SLC11A2: variants seen among roughly 807,000 people sequenced by gnomAD.
SLC11A2 encodes natural resistance-associated macrophage protein 2.
Under a neutral mutation model 68.0 loss-of-function variants are expected in SLC11A2, and 38 were observed. The observed-to-expected ratio is 0.56, with a 90% CI of 0.43 to 0.73. SLC11A2 has a LOEUF of 0.73. Among genes scored for constraint, SLC11A2 ranks in the 30% least tolerant of loss-of-function variants. The pLI is 0.00. For missense variants in SLC11A2, 517 were observed against 690.5 expected (o/e 0.75, Z 2.82); for synonymous variants, 242 against 250.6 (o/e 0.97, Z 0.32).
In SLC11A2 at chr12:50,990,957, G is replaced by GA; in HGVS notation, c.1422-10dup. 1.2e-6 allele frequency: 2 copies of GA among 1,613,722 alleles called. No homozygotes were observed. Among genetic ancestry groups the GA allele is most frequent in the Non-Finnish European group, 1.7e-6 (2 of 1,179,726 alleles). On this transcript the variant is annotated splice_polypyrimidine_tract_variant and intron_variant, in intron 14 of 15. Transcript: ENST00000262052. Reference sequence around the variant, plus strand: ...CTGCAATCCGCCAGCCTCTGTAAAAGAAATCAGCACAGTCACTGATGGAAT... The same window carrying GA: ...CTGCAATCCGCCAGCCTCTGTAAAAGAAAATCAGCACAGTCACTGATGGAAT...
At chr12:50,965,789 C>T in the SLC11A2 span, among the ~76,000 whole-genome samples, 2 of 152,146 alleles carry the variant, frequency 1.3e-5, no homozygotes, top group African/African-American at 4.8e-5. Flanking sequence ...AGCACAGGTC[C>T]CCTTTGGGAA....
chr12:51,025,934 G>A, intron 1 of SLC11A2: 1 of 999,104 alleles, frequency 1.0e-6, no homozygotes, highest in African/African-American at 1.7e-5. Flanking sequence ...ACCTTGCCCT[G>A]TGCCCGTCGG....
intron 1 of SLC11A2, among the ~76,000 whole-genome samples, chr12:51,018,192 C>T (rs566748333): frequency 1.3e-5 from 2 of 152,048 alleles, no homozygotes; most frequent in South Asian, 4.2e-4. Context: ...GTCAGGAGGT[C>T]GAGACCAGCC....
chr12:51,008,562 T>C lies in SLC11A2; in HGVS notation c.97A>G (p.Asn33Asp). The C allele has an allele frequency of 6.2e-7, 1 of 1,612,120 alleles. No homozygotes were observed. Among genetic ancestry groups the C allele is most frequent in the African/African-American group, 1.3e-5 (1 of 74,936 alleles). Residue 33 changes from asparagine to aspartate, a missense_variant, in exon 3 of 16, where the codon AAT becomes GAT. Physicochemically the swap from Asn to Asp is conservative, Grantham distance 23 (BLOSUM62 1). Coordinates refer to ENST00000262052, the MANE Select transcript of SLC11A2 (RefSeq NM_000617.3). ...SLGNINPAYS[N>D]PSLSQSPGDS... is the part of the protein sequence containing the mutation. Reference sequence around the variant, plus strand: ...CCAGGGGACTGTGAAAGAGAGGGATTACTATAGGCAGGGTTGATGTTACCA... The same window carrying C: ...CCAGGGGACTGTGAAAGAGAGGGATCACTATAGGCAGGGTTGATGTTACCA...
intron 6 of SLC11A2, among the ~76,000 whole-genome samples, chr12:50,999,759 C>T (rs1942038956): frequency 6.8e-6 from 1 of 147,730 alleles, no homozygotes; most frequent in Admixed American, 6.7e-5. Context: ...AATACCAGCA[C>T]TTTGGGAGGC....
At chr12:51,022,018 G>A (rs1235793803) in intron 1 of SLC11A2, among the ~76,000 whole-genome samples, 1 of 152,096 alleles carries the variant, frequency 6.6e-6, no homozygotes, top group Non-Finnish European at 1.5e-5. Flanking sequence ...GCACTCTTGA[G>A]GCTTAACCAG....
At position 51,000,413 on chromosome 12, in the gene SLC11A2, G is replaced by A. The variant is rs774857007; in HGVS notation, c.436C>T (p.Arg146Ter). The A allele has an allele frequency of 3.7e-6, 6 of 1,611,804 alleles. No homozygotes were observed. Among genetic ancestry groups the A allele is most frequent in the Non-Finnish European group, 5.1e-6 (6 of 1,177,990 alleles). Residue 146 changes from arginine (R) to a stop codon, truncating the protein, a stop_gained, in exon 6 of 16, where the codon CGA becomes TGA. Transcript: ENST00000262052. LOFTEE classifies it high-confidence loss of function. ...TCCACCATCAGCCACAGGATGACTC[G>A]TGGGACCTAAACATCAAACAGTAGA... ...VCHRQYPKVP[R>*]VILWLMVELA...
Position 50,991,629 on chromosome 12 carries a change from C to T in SLC11A2, c.1391G>A (p.Arg464Gln), listed in dbSNP as rs376433484. Residue 464 changes from arginine to glutamine, a missense_variant, in exon 14 of 16, where the codon CGG becomes CAG. Transcript: ENST00000262052. ...ATTGGCAAAGTCACTCATTACTGGC[C>T]GCAAGCTCGTAAATGTGAGGATGGG... is the stretch of plus-strand genomic sequence containing the variant. Reference protein sequence around the residue: ...LIPILTFTSLRPVMSDFANGL... With the variant: ...LIPILTFTSLQPVMSDFANGL... 46 of 1,613,660 alleles carry T rather than the reference C, an allele frequency of 2.9e-5. No individual in the cohort carries two copies. The African/African-American group carries it at 2.9e-4, about 10-fold the overall frequency.
At chr12:50,972,860 A>G in the SLC11A2 span, among the ~76,000 whole-genome samples, 1 of 152,218 alleles carries the variant, frequency 6.6e-6, no homozygotes, top group East Asian at 1.9e-4. Flanking sequence ...CGCATGGCTC[A>G]CAGGGTCCTA....
chr12:50,959,598 T>A, the SLC11A2 span, among the ~76,000 whole-genome samples: 40 of 152,300 alleles, frequency 2.6e-4, 1 homozygote, highest in Admixed American at 2.4e-3. Context: ...ACTTATGGCA[T>A]TTATTAAATT....
chr12:50,990,607 A>T, intron 15 of SLC11A2, 188 bp downstream of exon 15: 2 of 606,024 alleles, frequency 3.3e-6, no homozygotes, highest in Non-Finnish European at 5.8e-6. Context: ...ATGGAGTCTT[A>T]CTATGTTGCC....
Position 51,026,302 on chromosome 12 carries a change from C to G in SLC11A2, c.-39+8G>C. 7.9e-7 allele frequency: 1 copy of G among 1,259,346 alleles called. No homozygotes were observed. Among genetic ancestry groups the G allele is most frequent in the Non-Finnish European group, 1.0e-6 (1 of 964,366 alleles). 78.0% of individuals were successfully genotyped at this position (1,259,346 alleles called of 1,614,324 possible). Reference sequence around the variant, plus strand: ...ATGCCGTGACCCCTGACCTTGCCTTCCCCTCACCTTACCAGCTCCGCAACC... The same window carrying G: ...ATGCCGTGACCCCTGACCTTGCCTTGCCCTCACCTTACCAGCTCCGCAACC... On this transcript the variant is annotated splice_region_variant and intron_variant, in intron 1 of 15. Transcript: ENST00000262052.
chr12:51,028,168 G>A (rs1252745721), upstream of SLC11A2: 2 of 1,526,182 alleles, frequency 1.3e-6, no homozygotes, highest in South Asian at 1.2e-5. Flanking sequence ...GCTTCCCTGG[G>A]CTACTTACTT....
intron 2 of SLC11A2, 76 bp from the exon 3 acceptor site, chr12:51,008,700 A>G: frequency 8.5e-7 from 1 of 1,175,306 alleles, no homozygotes; most frequent in Non-Finnish European, 1.3e-6. Context: ...AGTATACTGA[A>G]ATTAAATAGT....
intron 12 of SLC11A2, 69 bp from the exon 13 acceptor site, chr12:50,992,408 G>T: frequency 7.0e-7 from 1 of 1,424,236 alleles, no homozygotes; most frequent in Non-Finnish European, 9.8e-7. Flanking sequence ...GGGAGGTTCA[G>T]GAGAGACCTC....
chr12:50,996,800 A>G lies in SLC11A2; in HGVS notation c.831+17T>C. 6.2e-7 allele frequency: 1 copy of G among 1,613,448 alleles called. No homozygotes were observed. The highest frequency in any genetic ancestry group is 8.5e-7 in the Non-Finnish European group (1 of 1,179,470). Reference sequence around the variant, plus strand: ...ATGAACTGTCTAGGAGGTGAAGGAGATAAGGGCCTTGCTCACCTTGACTAA... The same window carrying G: ...ATGAACTGTCTAGGAGGTGAAGGAGGTAAGGGCCTTGCTCACCTTGACTAA... On this transcript the variant is annotated intron_variant, in intron 9 of 15. Transcript: ENST00000262052.
chr12:51,011,928 T>C (rs1358193837), intron 1 of SLC11A2, among the ~76,000 whole-genome samples: 1 of 152,168 alleles, frequency 6.6e-6, no homozygotes, highest in African/African-American at 2.4e-5. Flanking sequence ...TTTAAGCTCA[T>C]GGTTCAATCT....
chr12:50,977,003 A>C (rs1379796249), downstream of SLC11A2, among the ~76,000 whole-genome samples: 1 of 152,172 alleles, frequency 6.6e-6, no homozygotes, highest in Admixed American at 6.5e-5. Context: ...AGAGGATACA[A>C]ACAAATGGAA....
At chr12:51,005,504 A>G in intron 3 of SLC11A2, 68 bp from the exon 4 acceptor site, 1 of 1,602,976 alleles carries the variant, frequency 6.2e-7, no homozygotes, top group South Asian at 1.1e-5. Context: ...TTGGTCTGTT[A>G]TCACATATGA....
Sources: gnomAD v4.1 joint callset for allele counts (sites outside exome capture counted in the v4.1 genomes callset) on GRCh38, gnomAD v4.1.1 for gene constraint, MANE v1.5 for transcripts, NCBI Gene and HGNC (gene_info 2026-07-23, HGNC 2026-07-21) for gene names.